LRRC4C: variants seen among roughly 807,000 people sequenced by gnomAD.
LRRC4C encodes leucine-rich repeat-containing protein 4C.
In LRRC4C, 5 loss-of-function variants were observed where a neutral mutation model predicts 33.6. The observed-to-expected ratio is 0.15, with a 90% CI of 0.08 to 0.31. LRRC4C has a LOEUF of 0.31. Ranked by LOEUF, LRRC4C falls within the 10% of genes least tolerant of loss-of-function variation. LRRC4C has a pLI of 1.00. For missense variants in LRRC4C, 560 were observed against 796.7 expected (o/e 0.70, Z 3.58); for synonymous variants, 329 against 302.0 (o/e 1.09, Z -0.93).
At chr11:41,201,298 C>T (rs1946389811) in intron 1 of LRRC4C, among the ~76,000 whole-genome samples, 1 of 152,102 alleles carries the variant, frequency 6.6e-6, no homozygotes, top group Non-Finnish European at 1.5e-5. Flanking sequence ...CTAGAAGGTG[C>T]CTTTTCTTAT....
chr11:41,176,028 AT>A (rs567946490), intron 1 of LRRC4C, among the ~76,000 whole-genome samples: 19 of 151,302 alleles, frequency 1.3e-4, no homozygotes, highest in South Asian at 2.1e-4. Context: ...ATAATAGAAT[AT>A]TTTTTTTTCA....
chr11:40,346,941 T>C (rs1947162853), intron 3 of LRRC4C, among the ~76,000 whole-genome samples: 1 of 152,192 alleles, frequency 6.6e-6, no homozygotes, highest in African/African-American at 2.4e-5. Context: ...TTTAGCATAA[T>C]TCTTAAGGGT....
chr11:40,180,957 A>G (rs182108018), intron 5 of LRRC4C, among the ~76,000 whole-genome samples: 87 of 152,304 alleles, frequency 5.7e-4, no homozygotes, highest in Admixed American at 1.2e-3. Context: ...ATCACCACAA[A>G]CAGCATAGAA....
intron 1 of LRRC4C, among the ~76,000 whole-genome samples, chr11:41,124,427 C>T (rs1264844570): frequency 2.0e-5 from 3 of 152,186 alleles, no homozygotes; most frequent in Non-Finnish European, 4.4e-5. Flanking sequence ...ATGTTCCATT[C>T]AGCAGTGCCA....
chr11:40,921,047 A>T (rs1386256303), intron 2 of LRRC4C, among the ~76,000 whole-genome samples: 2 of 151,978 alleles, frequency 1.3e-5, no homozygotes, highest in South Asian at 4.1e-4. Flanking sequence ...TAGCTTCCCA[A>T]ATTGCTAGGA....
At chr11:40,934,973 A>G (rs1047201939) in intron 1 of LRRC4C, among the ~76,000 whole-genome samples, 1 of 152,132 alleles carries the variant, frequency 6.6e-6, no homozygotes, top group East Asian at 1.9e-4. Context: ...GACTTAACAC[A>G]TGACTTACAC....
intron 1 of LRRC4C, among the ~76,000 whole-genome samples, chr11:41,324,640 A>G (rs548636658): frequency 6.6e-6 from 1 of 152,316 alleles, no homozygotes; most frequent in African/African-American, 2.4e-5. Context: ...TCTCCAGATG[A>G]TTAGGACTGG....
intron 1 of LRRC4C, among the ~76,000 whole-genome samples, chr11:41,433,062 C>A (rs745677409): frequency 1.3e-5 from 2 of 152,078 alleles, no homozygotes; most frequent in Non-Finnish European, 2.9e-5. Context: ...CTCTCAATGC[C>A]TCAATAAAAC....
At chr11:40,590,279 A>T (rs1275676021) in intron 3 of LRRC4C, among the ~76,000 whole-genome samples, 2 of 151,092 alleles carry the variant, frequency 1.3e-5, no homozygotes. Context: ...TCGTCTCCTG[A>T]GGCTTCTGCA....
At chr11:40,207,467 T>C (rs185866558) in intron 5 of LRRC4C, among the ~76,000 whole-genome samples, 3 of 152,174 alleles carry the variant, frequency 2.0e-5, no homozygotes, top group Non-Finnish European at 4.4e-5. Context: ...TCATGTGTGG[T>C]GATGCACACC....
intron 2 of LRRC4C, among the ~76,000 whole-genome samples, chr11:40,931,793 A>G (rs145445943): frequency 1.5e-3 from 224 of 152,134 alleles, no homozygotes; most frequent in Non-Finnish European, 5.0e-4. Context: ...TCTTCCTCCA[A>G]TGATTTTGAA....
chr11:40,910,866 A>G (rs1202166204), intron 2 of LRRC4C, among the ~76,000 whole-genome samples: 2 of 152,170 alleles, frequency 1.3e-5, no homozygotes, highest in South Asian at 2.1e-4. Flanking sequence ...CGCTTTTCCA[A>G]TGGTCTTAGC....
chr11:40,581,510 A>C (rs1202985968), intron 3 of LRRC4C, among the ~76,000 whole-genome samples: 1 of 152,060 alleles, frequency 6.6e-6, no homozygotes, highest in East Asian at 1.9e-4. Context: ...CTGTTTTGTC[A>C]ACATTAATTT....
intron 1 of LRRC4C, among the ~76,000 whole-genome samples, chr11:41,194,718 CT>C (rs1946109010): frequency 1.3e-5 from 2 of 152,106 alleles, no homozygotes; most frequent in African/African-American, 4.8e-5. Context: ...CCAGCCAAGA[CT>C]TTGATTGCAG....
chr11:40,750,565 A>C lies in LRRC4C; in HGVS notation c.-406-102287T>G, dbSNP rs148114707. Among the ~76,000 whole-genome samples the C allele has an allele frequency of 1.3e-3, 202 of 149,726 alleles. 1 individual carries two copies. The highest frequency in any genetic ancestry group is 4.8e-3 in the African/African-American group (197 of 40,854). ...AAACTATTGCAAGGACAAGAAACCA[A>C]ATACCGCATGTTCTCACTCATAGGT... On this transcript the variant is annotated intron_variant, in intron 2 of 6. Transcript: ENST00000528697.
chr11:41,359,159 T>TA (rs954218102), intron 1 of LRRC4C, among the ~76,000 whole-genome samples: 7 of 151,954 alleles, frequency 4.6e-5, no homozygotes, highest in African/African-American at 1.4e-4. Flanking sequence ...TAGGAACAAT[T>TA]AAAAAAATAA....
At chr11:41,097,899 C>A (rs1403909349) in intron 1 of LRRC4C, among the ~76,000 whole-genome samples, 1 of 152,100 alleles carries the variant, frequency 6.6e-6, no homozygotes, top group Non-Finnish European at 1.5e-5. Flanking sequence ...AACACACCCC[C>A]ATGCCCTGAC....
At chr11:40,467,362 G>A (rs1033602052) in intron 3 of LRRC4C, among the ~76,000 whole-genome samples, 8 of 151,990 alleles carry the variant, frequency 5.3e-5, no homozygotes, top group Admixed American at 2.6e-4. Context: ...GAGAATTGCC[G>A]TATCAATTAC....
chr11:40,502,322 T>C (rs1178753727), intron 3 of LRRC4C, among the ~76,000 whole-genome samples: 2 of 152,176 alleles, frequency 1.3e-5, no homozygotes, highest in Non-Finnish European at 1.5e-5. Context: ...TTTGGGTATC[T>C]TTTCAGCAGT....
Sources: gnomAD v4.1 joint callset for allele counts (sites outside exome capture counted in the v4.1 genomes callset) on GRCh38, gnomAD v4.1.1 for gene constraint, MANE v1.5 for transcripts, NCBI Gene and HGNC (gene_info 2026-07-23, HGNC 2026-07-21) for gene names.